Variants in STPG2 observed in about 807,000 individuals in gnomAD.
The protein encoded by STPG2 is sperm tail PG-rich repeat containing 2.
A neutral mutation model predicts 54.2 loss-of-function variants in STPG2; 56 were observed. That is an observed-to-expected ratio of 1.03 (90% CI 0.83 to 1.29). The LOEUF (loss-of-function observed/expected upper bound fraction) is 1.29, where lower values mean the gene tolerates loss of function less well. STPG2 is among the 50% of genes most tolerant of loss of function. STPG2 has a pLI of 0.00. For synonymous variants in STPG2, 200 were observed against 181.8 expected (o/e 1.10, Z -0.81); for missense variants, 596 against 544.9 (o/e 1.09, Z -0.93).
intron 10 of STPG2, among the ~76,000 whole-genome samples, chr4:97,580,807 A>C (rs1314733753): frequency 6.6e-6 from 1 of 152,060 alleles, no homozygotes; most frequent in African/African-American, 2.4e-5. Context: ...AGGTATGTTG[A>C]TGAAGAGTCT....
At chr4:98,102,783 G>A (rs541762254) in intron 5 of STPG2, among the ~76,000 whole-genome samples, 1 of 149,492 alleles carries the variant, frequency 6.7e-6, no homozygotes, top group South Asian at 2.1e-4. Context: ...GGTGGTAGAG[G>A]CATTGAATAT....
At chr4:97,672,766 G>A (rs1722738258) in intron 10 of STPG2, among the ~76,000 whole-genome samples, 1 of 152,182 alleles carries the variant, frequency 6.6e-6, no homozygotes, top group Admixed American at 6.5e-5. Flanking sequence ...CAGGGGGAAG[G>A]AGAGCATTAT....
At chr4:97,722,461 T>A in intron 9 of STPG2, among the ~76,000 whole-genome samples, 1 of 152,180 alleles carries the variant, frequency 6.6e-6, no homozygotes. Context: ...CAGAGCCTTA[T>A]GTGTTTGTCA....
chr4:97,609,140 A>G (rs1404453172), intron 10 of STPG2, among the ~76,000 whole-genome samples: 1 of 152,112 alleles, frequency 6.6e-6, no homozygotes, highest in Non-Finnish European at 1.5e-5. Context: ...AAAAACTTAC[A>G]GAACTTTTTG....
intron 5 of STPG2, among the ~76,000 whole-genome samples, chr4:98,015,173 A>G (rs1735899223): frequency 6.6e-6 from 1 of 152,204 alleles, no homozygotes; most frequent in Non-Finnish European, 1.5e-5. Flanking sequence ...TAAAACACCA[A>G]AAGTAATGGC....
At chr4:97,883,374 C>A (rs372285730) in intron 8 of STPG2, among the ~76,000 whole-genome samples, 2 of 150,144 alleles carry the variant, frequency 1.3e-5, no homozygotes, top group Admixed American at 6.7e-5. Context: ...AGTGACAGAG[C>A]AAGACCTTGT....
At chr4:97,851,868 C>G (rs529220809) in intron 8 of STPG2, among the ~76,000 whole-genome samples, 1 of 152,230 alleles carries the variant, frequency 6.6e-6, no homozygotes, top group African/African-American at 2.4e-5. Context: ...AAGTAAAATA[C>G]AAGAACAGAA....
chr4:97,601,481 CT>C (rs1404569607), intron 10 of STPG2, among the ~76,000 whole-genome samples: 1 of 151,986 alleles, frequency 6.6e-6, no homozygotes, highest in Admixed American at 6.5e-5. Flanking sequence ...AATCCAATTT[CT>C]TTTTTTCCCG....
intron 7 of STPG2, among the ~76,000 whole-genome samples, chr4:97,950,207 T>C (rs1733414593): frequency 6.6e-6 from 1 of 152,128 alleles, no homozygotes; most frequent in Non-Finnish European, 1.5e-5. Flanking sequence ...CCAAACATTA[T>C]ACTTTCTCTT....
At chr4:98,094,902 G>C (rs986386631) in intron 5 of STPG2, among the ~76,000 whole-genome samples, 1 of 152,110 alleles carries the variant, frequency 6.6e-6, no homozygotes, top group African/African-American at 2.4e-5. Flanking sequence ...AAAGTATATA[G>C]TTGTTTATGC....
At chr4:98,051,412 C>T (rs1180076722) in intron 5 of STPG2, among the ~76,000 whole-genome samples, 1 of 152,022 alleles carries the variant, frequency 6.6e-6, no homozygotes, top group African/African-American at 2.4e-5. Context: ...ATGTTGATGG[C>T]ATTGGGAAAT....
intron 5 of STPG2, among the ~76,000 whole-genome samples, chr4:98,100,912 G>C (rs965188976): frequency 2.6e-4 from 40 of 152,094 alleles, no homozygotes; most frequent in Non-Finnish European, 4.7e-4. Context: ...CTGACCTCAA[G>C]CAATCTGCCC....
rs191316886 is a variant in STPG2 at position 97,957,011 on chromosome 4, A to C, written c.934-13004T>G. On this transcript the variant is annotated intron_variant, in intron 7 of 10. Transcript: ENST00000295268. ...TTTGCCTGAAAAAGAATTCAGAGGA[A>C]AGTTATTAAGCTAATCAAAAAGGCG... Among the ~76,000 whole-genome samples the C allele has an allele frequency of 4.4e-3, 660 of 151,538 alleles. 3 individuals carry two copies. Among genetic ancestry groups the C allele is most frequent in the South Asian group, 0.024 (117 of 4,794 alleles).
chr4:97,559,031 T>G lies in STPG2; in HGVS notation c.*27A>C, dbSNP rs1171952967. 2.7e-5 allele frequency: 42 copies of G among 1,561,178 alleles called. No individual in the cohort carries two copies. Among genetic ancestry groups the G allele is most frequent in the Non-Finnish European group, 3.6e-5 (41 of 1,148,114 alleles). On this transcript the variant is annotated 3_prime_UTR_variant, in exon 11 of 11. Coordinates refer to ENST00000295268, the MANE Select transcript of STPG2 (RefSeq NM_174952.3). ...AATAAACTGACTTCCATGAAGTTGT[T>G]TTTTAAGTTTTTGCCATAAATTTAT...
chr4:98,121,961 C>CCACCCG (rs1219861637), intron 3 of STPG2, among the ~76,000 whole-genome samples: 1 of 152,068 alleles, frequency 6.6e-6, no homozygotes, highest in Non-Finnish European at 1.5e-5. Context: ...ACCTCGTGAT[C>CCACCCG]CACCCGCATC....
chr4:97,842,415 G>A (rs888245656), intron 8 of STPG2, among the ~76,000 whole-genome samples: 1 of 151,856 alleles, frequency 6.6e-6, no homozygotes, highest in Non-Finnish European at 1.5e-5. Flanking sequence ...AAAGAAACCG[G>A]AAGAGATTAT....
intron 9 of STPG2, among the ~76,000 whole-genome samples, chr4:97,818,673 C>T (rs549384266): frequency 6.6e-6 from 1 of 151,762 alleles, no homozygotes; most frequent in Non-Finnish European, 1.5e-5. Flanking sequence ...TTCTATTATC[C>T]TAATTTATGT....
chr4:97,668,969 T>C (rs1233134702), intron 10 of STPG2, among the ~76,000 whole-genome samples: 1 of 151,976 alleles, frequency 6.6e-6, no homozygotes, highest in African/African-American at 2.4e-5. Flanking sequence ...GGAACTGCTA[T>C]AGGCTGGCAT....
intron 5 of STPG2, among the ~76,000 whole-genome samples, chr4:98,023,362 C>T (rs538935165): frequency 6.6e-6 from 1 of 152,222 alleles, no homozygotes; most frequent in East Asian, 1.9e-4. Context: ...TTTCGTGAAC[C>T]GCAAATGTTG....
Sources: gnomAD v4.1 joint callset for allele counts (sites outside exome capture counted in the v4.1 genomes callset) on GRCh38, gnomAD v4.1.1 for gene constraint, MANE v1.5 for transcripts, NCBI Gene and HGNC (gene_info 2026-07-23, HGNC 2026-07-21) for gene names.